Variants in KCNT1 observed in about 807,000 individuals in gnomAD.
The protein encoded by KCNT1 is potassium channel subfamily T member 1.
In KCNT1, 78 loss-of-function variants were observed where a neutral mutation model predicts 147.8. That is an observed-to-expected ratio of 0.53 (90% CI 0.44 to 0.64). The LOEUF is 0.64. Ranked by LOEUF, KCNT1 falls within the 30% of genes least tolerant of loss-of-function variation. The pLI is 0.00. For synonymous variants in KCNT1, 867 were observed against 748.8 expected (o/e 1.16, Z -2.58); for missense variants, 1,419 against 1,750.3 (o/e 0.81, Z 3.38).
At chr9:135,766,478 G>T (rs1314284129) in intron 13 of KCNT1, among the ~76,000 whole-genome samples, 1 of 150,516 alleles carries the variant, frequency 6.6e-6, no homozygotes, top group Non-Finnish European at 1.5e-5. Context: ...ACCGTCTGGG[G>T]TATACCCTCT....
At position 135,702,289 on chromosome 9, in the gene KCNT1, G is replaced by A. The variant is rs775548158; in HGVS notation, c.31G>A (p.Gly11Arg). 8 of 1,609,220 alleles carry A rather than the reference G, an allele frequency of 5.0e-6. No homozygotes were observed. The Middle Eastern group carries it at 5.0e-4, about 100-fold the overall frequency. ...ACTCCCTGACGGGGCGCGGACCCCG[G>A]GGGGCGTCTGCCGGGAGGCGCGCGG... Reference protein sequence around the residue: MPLPDGARTPGGVCREARGGG... With the variant: MPLPDGARTPRGVCREARGGG... The change falls in exon 1 of 31, where the codon GGG becomes AGG. Residue 11 changes from glycine to arginine, a missense_variant. This residue lies in a region of KCNT1 where 181 missense variants were observed against 155.7 expected (regional missense o/e 1.16). Transcript: ENST00000371757.
chr9:135,772,596 C>A, intron 18 of KCNT1, 119 bp from the exon 19 acceptor site: 1 of 632,580 alleles, frequency 1.6e-6, no homozygotes, highest in Non-Finnish European at 2.4e-6. Context: ...TCAGCTGGAG[C>A]ACAGGAGCCA....
chr9:135,757,420 G>T lies in KCNT1; in HGVS notation c.759+39G>T, dbSNP rs767478952. On this transcript the variant is annotated intron_variant, in intron 9 of 30. Coordinates refer to ENST00000371757, the MANE Select transcript of KCNT1 (RefSeq NM_020822.3). ...GGGGGTGCAGCTGGGACTTGGGGGG[G>T]CCACCCTCAGCCTCACCGGCCCTGG... 1.1e-5 allele frequency: 17 copies of T among 1,556,372 alleles called. No homozygotes were observed. The African/African-American group carries it at 1.9e-4, about 17-fold the overall frequency.
At chr9:135,719,682 G>T (rs1468657560) in intron 2 of KCNT1, among the ~76,000 whole-genome samples, 1 of 152,188 alleles carries the variant, frequency 6.6e-6, no homozygotes. Context: ...CTGCCCACTG[G>T]CTGGGGCTTC....
intron 19 of KCNT1, 123 bp downstream of exon 19, chr9:135,773,072 G>A (rs546034841): frequency 4.9e-5 from 30 of 611,510 alleles, no homozygotes; most frequent in South Asian, 1.2e-4. Context: ...GGACAGCTCC[G>A]TGGAAGTCCT....
chr9:135,783,973 C>T (rs1833818084), intron 24 of KCNT1, 51 bp from the exon 25 acceptor site: 1 of 1,455,480 alleles, frequency 6.9e-7, no homozygotes, highest in Non-Finnish European at 9.6e-7. Context: ...GCTGCCGTGC[C>T]ACTGGAGGGA....
chr9:135,755,366 C>T (rs1831416571), intron 6 of KCNT1, among the ~76,000 whole-genome samples, 197 bp downstream of exon 6: 1 of 151,186 alleles, frequency 6.6e-6, no homozygotes, highest in South Asian at 2.1e-4. Flanking sequence ...GGGACCCAGG[C>T]TCAGCAAATG....
intron 17 of KCNT1, 93 bp downstream of exon 17, chr9:135,770,540 G>A: frequency 6.8e-7 from 1 of 1,480,354 alleles, no homozygotes; most frequent in Non-Finnish European, 9.1e-7. Context: ...GGGTGGCCCT[G>A]GGGCGGGGCT....
At chr9:135,713,101 C>A (rs487393) in intron 1 of KCNT1, among the ~76,000 whole-genome samples, 7 of 152,150 alleles carry the variant, frequency 4.6e-5, no homozygotes, top group Non-Finnish European at 5.9e-5. Flanking sequence ...GGGGTGGGGA[C>A]GGGAGGAGGC....
chr9:135,775,879 G>A (rs931946607), intron 20 of KCNT1, among the ~76,000 whole-genome samples: 8 of 152,146 alleles, frequency 5.3e-5, no homozygotes, highest in African/African-American at 7.2e-5. Flanking sequence ...AGCCTGTCCC[G>A]GCTGCGTCTT....
intron 11 of KCNT1, 84 bp from the exon 12 acceptor site, chr9:135,764,947 T>C: frequency 6.9e-7 from 1 of 1,453,268 alleles, no homozygotes; most frequent in Non-Finnish European, 9.3e-7. Context: ...TAACAGACAG[T>C]CGTGTGTCAG....
At chr9:135,739,539 G>T (rs1258806503) in intron 2 of KCNT1, among the ~76,000 whole-genome samples, 1 of 151,480 alleles carries the variant, frequency 6.6e-6, no homozygotes, top group Non-Finnish European at 1.5e-5. Flanking sequence ...GCTCCTCCAT[G>T]CCCCCCTCAC....
intron 1 of KCNT1, among the ~76,000 whole-genome samples, chr9:135,707,742 C>T (rs1227273806): frequency 1.3e-5 from 2 of 152,188 alleles, no homozygotes; most frequent in Non-Finnish European, 2.9e-5. Context: ...GGTGATGGCC[C>T]CCACAGCCTC....
chr9:135,717,143 A>AGGACAGGAGGGAGGGGACCTG (rs1835751799), intron 2 of KCNT1, among the ~76,000 whole-genome samples: 1 of 142,034 alleles, frequency 7.0e-6, no homozygotes, highest in South Asian at 2.3e-4. Context: ...TGGTGTGTAT[A>AGGACAGGAGGGAGGGGACCTG]GGACAGGAGG....
chr9:135,788,238 G>A (rs1009039609), intron 29 of KCNT1: 20 of 1,216,612 alleles, frequency 1.6e-5, no homozygotes, highest in East Asian at 2.3e-5. Context: ...GCCTTGCTGC[G>A]CCATCCCGGC....
At chr9:135,772,657 C>A in intron 18 of KCNT1, 58 bp from the exon 19 acceptor site, 1 of 1,287,376 alleles carries the variant, frequency 7.8e-7, no homozygotes, top group Non-Finnish European at 1.0e-6. Flanking sequence ...GCTCTGGGAA[C>A]TCGCCGCCCA....
At chr9:135,741,665 A>G (rs1313497134) in intron 2 of KCNT1, among the ~76,000 whole-genome samples, 2 of 152,064 alleles carry the variant, frequency 1.3e-5, no homozygotes, top group Admixed American at 6.5e-5. Context: ...TGCTAGGGCT[A>G]GGGGCACCAG....
chr9:135,730,480 G>A lies in KCNT1; in HGVS notation c.254+15760G>A, dbSNP rs1379263881. Among the ~76,000 whole-genome samples, 1 of 152,200 alleles carries A rather than the reference G, an allele frequency of 6.6e-6. No individual in the cohort carries two copies. Among genetic ancestry groups the A allele is most frequent in the East Asian group, 1.9e-4 (1 of 5,190 alleles). On this transcript the variant is annotated intron_variant, in intron 2 of 30. Transcript: ENST00000371757. This position sits in a 1 kb window ranked among gnomAD's most constrained non-coding sequence, Gnocchi z 4.7. ...CCAAGATCATCACAGATTCCTAGGGGAGGGAGGCAGAGGTTCAGAGTCGCT... is the reference window on the plus strand; with the variant it reads ...CCAAGATCATCACAGATTCCTAGGGAAGGGAGGCAGAGGTTCAGAGTCGCT...
rs771946428 is a variant in KCNT1, at chr9:135,758,399, C to G, written c.760-15C>G. On this transcript the variant is annotated splice_polypyrimidine_tract_variant and intron_variant, in intron 9 of 30. Transcript: ENST00000371757. ...CACAGTCCCTGCCCGCTGACAGCCA[C>G]CACTCCTTCCACAGAATGACTTCCA... is the stretch of plus-strand genomic sequence containing the variant. 4.4e-6 allele frequency: 7 copies of G among 1,604,324 alleles called. No individual in the cohort carries two copies. The highest frequency in any genetic ancestry group is 6.0e-6 in the Non-Finnish European group (7 of 1,173,156).
Sources: gnomAD v4.1 joint callset for allele counts (sites outside exome capture counted in the v4.1 genomes callset) on GRCh38, gnomAD v4.1.1 for gene constraint, gnomAD v4.1.1 regional missense constraint, Gnocchi (gnomAD v3.1) non-coding constraint, MANE v1.5 for transcripts, NCBI Gene and HGNC (gene_info 2026-07-23, HGNC 2026-07-21) for gene names.